Variants in ABCD4 observed in about 807,000 individuals in gnomAD.
The protein encoded by ABCD4 is lysosomal cobalamin transporter ABCD4.
ABCD4 carries 53 observed loss-of-function variants against 86.3 expected under a neutral mutation model. That is an observed-to-expected ratio of 0.61 (90% CI 0.49 to 0.77). The LOEUF (loss-of-function observed/expected upper bound fraction) is 0.77, where lower values mean the gene tolerates loss of function less well. Ranked by LOEUF, ABCD4 falls within the 30% of genes least tolerant of loss-of-function variation. The probability of loss-of-function intolerance (pLI) is 0.00; values close to 1 mark genes in which losing one functional copy is unlikely to be tolerated. For synonymous variants in ABCD4, 328 were observed against 313.6 expected, an observed-to-expected ratio of 1.05 and a Z score of -0.49; for missense variants, 757 against 764.5, an observed-to-expected ratio of 0.99 and a Z score of 0.12.
Position 74,293,180 on chromosome 14 carries a change from A to C in ABCD4, c.788T>G (p.Leu263Arg). 1 of 1,614,124 alleles carries C rather than the reference A, an allele frequency of 6.2e-7. No individual in the cohort carries two copies. The highest frequency in any genetic ancestry group is 8.5e-7 in the Non-Finnish European group (1 of 1,180,000). ...GTACAGCCAGAGCTCCTTGGACATC[A>C]GCTCCCTCTGGGTCTGAAGGAGTCT... ...LQRLLQTQRE[L>R]MSKELWLYIG... is the part of the protein sequence containing the mutation. Residue 263 changes from leucine (L) to arginine (R), a missense_variant, in exon 8 of 19, where the codon CTG (leucine) becomes CGG (arginine). Coordinates refer to ENST00000356924, the MANE Select transcript of ABCD4 (RefSeq NM_005050.4).
At chr14:74,299,502 C>A (rs2083749290) in intron 3 of ABCD4, 46 bp downstream of exon 3, 3 of 1,606,774 alleles carry the variant, frequency 1.9e-6, no homozygotes, top group South Asian at 1.1e-5. Context: ...TACGGTCACA[C>A]TGGACTGGAG....
At position 74,295,204 on chromosome 14, in the gene ABCD4, C is replaced by T. The variant is rs115029507; in HGVS notation, c.669-6G>A. 383 of 1,614,044 alleles carry T rather than the reference C, an allele frequency of 2.4e-4. No homozygotes were observed. The highest frequency in any genetic ancestry group is 3.0e-4 in the Non-Finnish European group (355 of 1,180,020). ...GAATCTGCATGTGCTTGAACCTGGGCGGACCAAAGGGAAATGTGTGCTGAC... is the reference window on the plus strand; with the variant it reads ...GAATCTGCATGTGCTTGAACCTGGGTGGACCAAAGGGAAATGTGTGCTGAC... On this transcript the variant is annotated splice_polypyrimidine_tract_variant and splice_region_variant and intron_variant, in intron 6 of 18. Transcript: ENST00000356924.
intron 13 of ABCD4, 186 bp from the exon 14 acceptor site, chr14:74,289,705 A>C (rs2080928336): frequency 6.9e-7 from 1 of 1,441,658 alleles, no homozygotes; most frequent in East Asian, 2.5e-5. Flanking sequence ...AACCTTCAGA[A>C]GTGTGTTTAG....
intron 11 of ABCD4, among the ~76,000 whole-genome samples, chr14:74,290,799 C>T (rs1318840803): frequency 2.7e-5 from 4 of 148,836 alleles, no homozygotes; most frequent in African/African-American, 1.0e-4. Flanking sequence ...ATTTTCCTGT[C>T]CCAGCCTCCT....
At chr14:74,288,942 T>C in intron 14 of ABCD4, 177 bp from the exon 15 acceptor site, 2 of 939,168 alleles carry the variant, frequency 2.1e-6, no homozygotes, top group Non-Finnish European at 3.1e-6. Flanking sequence ...TGAAACGCTG[T>C]CTCTACTAAA....
chr14:74,290,230 C>T (rs544338934), intron 12 of ABCD4, 61 bp downstream of exon 12: 145 of 1,611,286 alleles, frequency 9.0e-5, no homozygotes, highest in African/African-American at 3.2e-4. Context: ...ACACCGTCCC[C>T]GCCTTCACCC....
chr14:74,296,481 AGG>A, intron 4 of ABCD4, 32 bp from the exon 5 acceptor site: 2 of 1,601,520 alleles, frequency 1.2e-6, no homozygotes, highest in Non-Finnish European at 1.7e-6. Context: ...AGCTGGACCC[AGG>A]GAGATGGGCC....
At position 74,293,191 on chromosome 14, in the gene ABCD4, G is replaced by A; in HGVS notation, c.777C>T (p.Thr259=). The part of the protein sequence containing the change: ...TDRRLQRLLQ[T]QRELMSKELW... ...GCTCCTTGGACATCAGCTCCCTCTGGGTCTGAAGGAGTCTCTGCAGCCTGC... is the reference window on the plus strand; with the variant it reads ...GCTCCTTGGACATCAGCTCCCTCTGAGTCTGAAGGAGTCTCTGCAGCCTGC... Residue 259 remains threonine (T), a synonymous_variant, in exon 8 of 19, where the codon ACC becomes ACT. Coordinates refer to ENST00000356924, the MANE Select transcript of ABCD4 (RefSeq NM_005050.4). 1.9e-6 allele frequency: 3 copies of A among 1,614,104 alleles called. No individual in the cohort carries two copies. The highest frequency in any genetic ancestry group is 2.5e-6 in the Non-Finnish European group (3 of 1,180,016).
chr14:74,295,982 G>A lies in ABCD4; in HGVS notation c.543-3C>T. 1 of 1,599,432 alleles carries A rather than the reference G, an allele frequency of 6.3e-7. No homozygotes were observed. The highest frequency in any genetic ancestry group is 2.2e-5 in the East Asian group (1 of 44,690). ...TCACAGGCCCGAGCCAGCCTGTGCT[G>A]AAATAGAGAGAGAGGGAGAGAAGGG... On this transcript the variant is annotated splice_polypyrimidine_tract_variant and splice_region_variant and intron_variant, in intron 5 of 18. Transcript: ENST00000356924.
chr14:74,292,741 G>C lies in ABCD4; in HGVS notation c.936+7C>G. 1 of 1,614,054 alleles carries C rather than the reference G, an allele frequency of 6.2e-7. No individual in the cohort carries two copies. On this transcript the variant is annotated splice_region_variant and intron_variant, in intron 9 of 18. Transcript: ENST00000356924. ...CAGCATGTGGGGTGACCAAGAGGGA[G>C]TCTCACCTTGCTGACCAGGGTGCTA...
In ABCD4 at chr14:74,287,728, C is replaced by T. The variant is rs2080199587; in HGVS notation, c.1636+82G>A. 5.3e-6 allele frequency: 7 copies of T among 1,319,266 alleles called. No individual in the cohort carries two copies. The South Asian group carries it at 7.6e-5, about 14-fold the overall frequency. The allele number at this position is 1,319,266 out of a possible 1,614,324, so 81.7% of individuals were successfully genotyped here. A position where few individuals can be genotyped will look rare whatever the true frequency, so the allele number is the denominator to read the frequency against. ...AGAAGCCCAGCCATTCACAGGTGTG[C>T]CTGGGTGCCTGTGAACACATGCTGC... On this transcript the variant is annotated intron_variant, in intron 17 of 18. Coordinates refer to ENST00000356924, the MANE Select transcript of ABCD4 (RefSeq NM_005050.4).
chr14:74,300,063 CAAA>C (rs10557205), intron 2 of ABCD4, 84 bp downstream of exon 2: 36,210 of 322,126 alleles, frequency 0.11, 31 homozygotes, highest in Middle Eastern at 0.17. Flanking sequence ...AACTCTGTCT[CAAA>C]AAAAAAAAAA....
intron 11 of ABCD4, among the ~76,000 whole-genome samples, chr14:74,291,233 G>A (rs2081405042): frequency 6.6e-6 from 1 of 152,200 alleles, no homozygotes; most frequent in Non-Finnish European, 1.5e-5. Context: ...AAGCCAGCCG[G>A]TTTGTGGTTT....
At chr14:74,288,867 A>C (rs1194378311) in intron 14 of ABCD4, 102 bp from the exon 15 acceptor site, 2 of 1,415,024 alleles carry the variant, frequency 1.4e-6, no homozygotes, top group Non-Finnish European at 1.9e-6. Context: ...TAATCCCAAC[A>C]CTTTGGGAGG....
rs2079769860 is a variant in ABCD4, at chr14:74,286,469, C to T, written c.1813G>A (p.Val605Met). 1 of 1,614,242 alleles carries T rather than the reference C, an allele frequency of 6.2e-7. No homozygotes were observed. Among genetic ancestry groups the T allele is most frequent in the Non-Finnish European group, 8.5e-7 (1 of 1,180,050 alleles). ...TTCCAAAAGCCAGAGCTTCATTCCA[C>T]TTTGATTCTCATCAGCTCCCATCTT... Reference protein sequence around the residue: ...GGRWELMRIKVE With the variant: ...GGRWELMRIKME The change falls in exon 19 of 19, where the codon GTG becomes ATG. Residue 605 changes from valine to methionine, a missense_variant. By Grantham distance (21) the Val-to-Met change is conservative. Transcript: ENST00000356924.
intron 8 of ABCD4, 134 bp downstream of exon 8, chr14:74,293,020 C>A (rs769277439): frequency 5.5e-6 from 8 of 1,447,362 alleles, no homozygotes; most frequent in Admixed American, 1.8e-5. Flanking sequence ...AGGCAACAGC[C>A]CCCCCTCCTC....
intron 10 of ABCD4, 45 bp from the exon 11 acceptor site, chr14:74,292,421 G>A (rs1487765326): frequency 1.2e-6 from 2 of 1,605,110 alleles, no homozygotes. Context: ...GGAGCCAGGT[G>A]AAGGTGAACT....
In ABCD4 at chr14:74,290,369, G is replaced by A. The variant is rs1413077090; in HGVS notation, c.1249C>T (p.Leu417=). ...GTGCCCGTGTTGCCTGTGATGAGCAGGCTCTGTCCCTCGGAGATCTTTAGG... is the reference window on the plus strand; with the variant it reads ...GTGCCCGTGTTGCCTGTGATGAGCAAGCTCTGTCCCTCGGAGATCTTTAGG... ...LSLKISEGQS[L]LITGNTGTGK... is the part of the protein sequence containing the mutation. The change falls in exon 12 of 19, where the codon CTG becomes TTG. Residue 417 remains leucine (L), a synonymous_variant. Transcript: ENST00000356924. 2.5e-6 allele frequency: 4 copies of A among 1,614,086 alleles called. No individual in the cohort carries two copies. The East Asian group carries it at 6.7e-5, about 27-fold the overall frequency.
intron 7 of ABCD4, 148 bp from the exon 8 acceptor site, chr14:74,293,396 A>C (rs2082065012): frequency 1.6e-6 from 1 of 635,992 alleles, no homozygotes; most frequent in Admixed American, 2.8e-5. Flanking sequence ...GCGCCCATTC[A>C]CGGCTTCAGT....
Sources: gnomAD v4.1 joint callset for allele counts (sites outside exome capture counted in the v4.1 genomes callset) on GRCh38, gnomAD v4.1.1 for gene constraint, MANE v1.5 for transcripts, NCBI Gene and HGNC (gene_info 2026-07-23, HGNC 2026-07-21) for gene names.